The following TGFA variants were observed in gnomAD, a reference collection of about 807,000 sequenced individuals.
The protein encoded by TGFA is transforming growth factor alpha, also known as protransforming growth factor alpha.
In TGFA, 12 loss-of-function variants were observed where a neutral mutation model predicts 21.7. The ratio of observed to expected loss-of-function variants is 0.55; its 90% CI spans 0.35 to 0.90. TGFA has a LOEUF of 0.90. Among genes scored for constraint, TGFA ranks in the 40% least tolerant of loss-of-function variants. The pLI is 0.01. For synonymous variants in TGFA, 79 were observed against 88.1 expected (o/e 0.90, Z 0.58); for missense variants, 178 against 210.8 (o/e 0.84, Z 0.96).
At chr2:70,550,427 TAA>T (rs201941839) in intron 1 of TGFA, among the ~76,000 whole-genome samples, 14,509 of 151,848 alleles carry the variant, frequency 0.096, 806 homozygotes, top group Middle Eastern at 0.17. Context: ...CGTTGAATAC[TAA>T]AGGAGATACA....
At position 70,541,960 on chromosome 2, in the gene TGFA, G is replaced by A. The variant is rs563466894; in HGVS notation, c.40+11768C>T. ...AGCACGCAGACCGGCCTGATGATGC[G>A]ATCCTCCACTGCAAAACTTAAAACC... is the stretch of plus-strand genomic sequence containing the variant. On this transcript the variant is annotated intron_variant, in intron 1 of 5. Transcript: ENST00000295400. Among the ~76,000 whole-genome samples the A allele has an allele frequency of 7.9e-5, 12 of 152,224 alleles. No individual in the cohort carries two copies. The South Asian group carries it at 1.7e-3, about 21-fold the overall frequency.
At chr2:70,485,929 G>A (rs570869622) in intron 2 of TGFA, among the ~76,000 whole-genome samples, 2 of 152,292 alleles carry the variant, frequency 1.3e-5, no homozygotes, top group African/African-American at 4.8e-5. Context: ...CCTTCAGCAG[G>A]AAGTCACAAT....
intron 2 of TGFA, among the ~76,000 whole-genome samples, chr2:70,471,511 C>T (rs886237512): frequency 1.3e-5 from 2 of 152,140 alleles, no homozygotes; most frequent in South Asian, 2.1e-4. Flanking sequence ...CAAGTGAGGG[C>T]GGAGTAACTG....
chr2:70,526,594 A>G (rs528267954), intron 1 of TGFA, among the ~76,000 whole-genome samples: 5 of 152,348 alleles, frequency 3.3e-5, no homozygotes, highest in African/African-American at 1.2e-4. Context: ...AGAGAGCATC[A>G]TGTATCTTTT....
At chr2:70,553,081 T>G in intron 1 of TGFA, 2 of 1,233,818 alleles carry the variant, frequency 1.6e-6, no homozygotes, top group Non-Finnish European at 1.1e-6. Context: ...CTGGCAACAC[T>G]CGGTCTAGGG....
intron 2 of TGFA, among the ~76,000 whole-genome samples, chr2:70,512,901 G>T (rs1553501137): frequency 6.6e-6 from 1 of 152,204 alleles, no homozygotes; most frequent in East Asian, 1.9e-4. Flanking sequence ...ATGGCTCTTG[G>T]CCTACCAGGT....
chr2:70,535,399 A>C (rs1024623150), intron 1 of TGFA, among the ~76,000 whole-genome samples: 8 of 152,232 alleles, frequency 5.3e-5, no homozygotes, highest in African/African-American at 1.9e-4. Context: ...TGAACAATCC[A>C]CAAAATAAAT....
intron 2 of TGFA, among the ~76,000 whole-genome samples, chr2:70,474,354 A>G (rs1341993377): frequency 1.3e-5 from 2 of 152,252 alleles, no homozygotes; most frequent in Non-Finnish European, 2.9e-5. Context: ...GAAAATTAGG[A>G]TGCTATTCAA....
chr2:70,462,537 A>G lies in TGFA; in HGVS notation c.215+3079T>C, dbSNP rs199740593. Among the ~76,000 whole-genome samples the G allele has an allele frequency of 5.3e-5, 8 of 152,268 alleles. No individual in the cohort carries two copies. The East Asian group carries it at 1.5e-3, about 29-fold the overall frequency. ...TGAAGGGCTGGAGAGCGCGAGCCCT[A>G]TCTGGGGCGGCACACCTGAGTGAGT... is the stretch of plus-strand genomic sequence containing the variant. On this transcript the variant is annotated intron_variant, in intron 3 of 5. Coordinates refer to ENST00000295400, the MANE Select transcript of TGFA (RefSeq NM_003236.4).
intron 1 of TGFA, among the ~76,000 whole-genome samples, chr2:70,528,843 G>A (rs1553503279): frequency 6.6e-6 from 1 of 152,182 alleles, no homozygotes; most frequent in East Asian, 1.9e-4. Context: ...GCTCCCAAGT[G>A]GGTATCAGAC....
At chr2:70,548,537 T>C (rs1427904771) in intron 1 of TGFA, among the ~76,000 whole-genome samples, 1 of 152,120 alleles carries the variant, frequency 6.6e-6, no homozygotes, top group Non-Finnish European at 1.5e-5. Flanking sequence ...AATGCGAAGG[T>C]GAAGAAAACG....
At position 70,514,916 on chromosome 2, in the gene TGFA, T is replaced by G; in HGVS notation, c.41-4A>C. The G allele has an allele frequency of 6.2e-7, 1 of 1,613,660 alleles. No individual in the cohort carries two copies. Reference sequence around the variant, plus strand: ...TGGCACGCAGCCAACACAATACCTGTTGGGTGGAGGAGAAGAGGGAAAAGG... The same window carrying G: ...TGGCACGCAGCCAACACAATACCTGGTGGGTGGAGGAGAAGAGGGAAAAGG... On this transcript the variant is annotated splice_region_variant and splice_polypyrimidine_tract_variant and intron_variant, in intron 1 of 5. Coordinates refer to ENST00000295400, the MANE Select transcript of TGFA (RefSeq NM_003236.4).
rs552073964 is a variant in TGFA at position 70,455,866 on chromosome 2, A to G, written c.365+473T>C. Among the ~76,000 whole-genome samples the G allele has an allele frequency of 2.6e-5, 4 of 152,262 alleles. No individual in the cohort carries two copies. The East Asian group carries it at 7.7e-4, about 29-fold the overall frequency. ...TTTTGGAGGATGAGGAGGGGCAGAG[A>G]AGTGGACAAAGAGGAAGGGCTGTGC... On this transcript the variant is annotated intron_variant, in intron 4 of 5. Coordinates refer to ENST00000295400, the MANE Select transcript of TGFA (RefSeq NM_003236.4).
intron 1 of TGFA, among the ~76,000 whole-genome samples, chr2:70,529,599 C>T (rs970493589): frequency 9.2e-5 from 14 of 151,454 alleles, no homozygotes; most frequent in African/African-American, 2.9e-4. Flanking sequence ...CCCCCCGCCC[C>T]AGTCCTAGAA....
chr2:70,545,697 G>A (rs1297843069), intron 1 of TGFA, among the ~76,000 whole-genome samples: 1 of 151,988 alleles, frequency 6.6e-6, no homozygotes, highest in Admixed American at 6.6e-5. Flanking sequence ...ATAAGAAAAG[G>A]TTTTCCTAAA....
intron 2 of TGFA, among the ~76,000 whole-genome samples, chr2:70,510,595 G>T (rs546021992): frequency 5.9e-5 from 9 of 152,186 alleles, no homozygotes; most frequent in African/African-American, 1.4e-4. Flanking sequence ...AAAAAACTGA[G>T]ACCAAATGGC....
intron 1 of TGFA, among the ~76,000 whole-genome samples, chr2:70,521,606 G>GTT (rs1559133439): frequency 1.0e-5 from 1 of 98,220 alleles, no homozygotes; most frequent in Non-Finnish European, 2.0e-5. Context: ...TTTTTTTGTT[G>GTT]TTGTTTGTTT....
At chr2:70,552,208 C>T (rs935822393) in intron 1 of TGFA, among the ~76,000 whole-genome samples, 2 of 143,026 alleles carry the variant, frequency 1.4e-5, no homozygotes, top group Non-Finnish European at 3.1e-5. Flanking sequence ...TTACTTTCCT[C>T]TGCTATATAA....
In TGFA at chr2:70,456,329, A is replaced by C; in HGVS notation, c.365+10T>G. 1 of 1,545,584 alleles carries C rather than the reference A, an allele frequency of 6.5e-7. No individual in the cohort carries two copies. Among genetic ancestry groups the C allele is most frequent in the Non-Finnish European group, 8.8e-7 (1 of 1,141,218 alleles). On this transcript the variant is annotated intron_variant, in intron 4 of 5. Coordinates refer to ENST00000295400, the MANE Select transcript of TGFA (RefSeq NM_003236.4). ...CAGGGGACCTGGCCTTAGGGGCAGC[A>C]AGTACTCACTGTATCAGCACACATG... is the stretch of plus-strand genomic sequence containing the variant.
Sources: gnomAD v4.1 joint callset for allele counts (sites outside exome capture counted in the v4.1 genomes callset) on GRCh38, gnomAD v4.1.1 for gene constraint, MANE v1.5 for transcripts, NCBI Gene and HGNC (gene_info 2026-07-23, HGNC 2026-07-21) for gene names.